The following BCL2L13 variants were observed in gnomAD, a reference collection of about 807,000 sequenced individuals.
BCL2L13 encodes bcl-2-like protein 13.
In BCL2L13, 13 loss-of-function variants were observed where a neutral mutation model predicts 25.8. That is an observed-to-expected ratio of 0.50 (90% CI 0.33 to 0.80). The LOEUF (loss-of-function observed/expected upper bound fraction) is 0.80. BCL2L13 is among the 30% of genes least tolerant of loss of function. BCL2L13 has a pLI of 0.02. For missense variants in BCL2L13, 504 were observed against 574.9 expected (o/e 0.88, Z 1.26); for synonymous variants, 244 against 230.3 (o/e 1.06, Z -0.54).
intron 6 of BCL2L13, among the ~76,000 whole-genome samples, chr22:17,713,598 A>G (rs1295879534): frequency 6.6e-6 from 1 of 151,198 alleles, no homozygotes. Context: ...AGTAGCTGGG[A>G]CTACAGGCAT....
intron 1 of BCL2L13, among the ~76,000 whole-genome samples, chr22:17,646,934 T>C (rs1478712782): frequency 1.9e-4 from 5 of 26,092 alleles, no homozygotes; most frequent in African/African-American, 6.9e-4. Context: ...ATAAACTACA[T>C]ATATATATAT....
At chr22:17,699,944 A>G (rs368289328) in intron 5 of BCL2L13, among the ~76,000 whole-genome samples, 68 of 152,258 alleles carry the variant, frequency 4.5e-4, no homozygotes, top group African/African-American at 1.9e-4. Context: ...CTTGGACGTC[A>G]TCATACAGGT....
chr22:17,676,064 A>G (rs528485189), intron 2 of BCL2L13, among the ~76,000 whole-genome samples: 1 of 152,352 alleles, frequency 6.6e-6, no homozygotes, highest in South Asian at 2.1e-4. Flanking sequence ...ATCTAATAAT[A>G]CAATTTTAGA....
chr22:17,706,575 T>G (rs2060597360), intron 6 of BCL2L13: 2 of 811,912 alleles, frequency 2.5e-6, no homozygotes, highest in Non-Finnish European at 3.1e-6. Context: ...AAATGCCAGG[T>G]TTTCACATGC....
intron 2 of BCL2L13, among the ~76,000 whole-genome samples, chr22:17,671,119 G>A (rs2059402679): frequency 6.6e-6 from 1 of 152,074 alleles, no homozygotes; most frequent in Non-Finnish European, 1.5e-5. Context: ...AATTGGCCGG[G>A]CACGGTGGTT....
At chr22:17,697,804 A>G (rs930288666) in intron 5 of BCL2L13, among the ~76,000 whole-genome samples, 4 of 152,104 alleles carry the variant, frequency 2.6e-5, no homozygotes, top group African/African-American at 4.8e-5. Context: ...TCTCTCTGAT[A>G]TAGACATTTG....
chr22:17,726,553 T>G (rs1332891676), intron 6 of BCL2L13, 124 bp from the exon 7 acceptor site: 1 of 1,124,756 alleles, frequency 8.9e-7, no homozygotes, highest in Non-Finnish European at 1.2e-6. Context: ...TCGGAAACTA[T>G]GTAGGTTTAA....
chr22:17,698,814 G>GC (rs2060348041), intron 5 of BCL2L13, among the ~76,000 whole-genome samples: 1 of 152,068 alleles, frequency 6.6e-6, no homozygotes, highest in African/African-American at 2.4e-5. Context: ...GCTCCTCCCA[G>GC]CCCCCGACAA....
chr22:17,664,291 C>T (rs552650325), intron 2 of BCL2L13, among the ~76,000 whole-genome samples: 89 of 152,298 alleles, frequency 5.8e-4, no homozygotes, highest in African/African-American at 2.1e-3. Flanking sequence ...AGCTGGCAGT[C>T]AAATCTTAAA....
At position 17,661,636 on chromosome 22, in the gene BCL2L13, GTAAA is replaced by G. The variant is rs1052129286; in HGVS notation, c.121+5811_121+5814del. 1.0e-4 allele frequency among the ~76,000 whole-genome samples: 15 copies of G among 145,728 alleles called. 2 individuals carry two copies. In the Middle Eastern group the frequency reaches 0.014, roughly 140 times the overall value. On this transcript the variant is annotated intron_variant, in intron 2 of 6. Coordinates refer to ENST00000317582, the MANE Select transcript of BCL2L13 (RefSeq NM_015367.4). Reference sequence around the variant, plus strand: ...ACAAGTAAAAATGTACTGTGTACACGTAAATAAATAGAAATCCATCTGTCCTTAG... The same window carrying G: ...ACAAGTAAAAATGTACTGTGTACACGTAAATAGAAATCCATCTGTCCTTAG...
At chr22:17,714,585 G>A (rs2060859363) in intron 6 of BCL2L13, among the ~76,000 whole-genome samples, 1 of 152,208 alleles carries the variant, frequency 6.6e-6, no homozygotes, top group Non-Finnish European at 1.5e-5. Flanking sequence ...GATCAGCTTA[G>A]GTAGCTTGGG....
intron 1 of BCL2L13, among the ~76,000 whole-genome samples, chr22:17,633,000 C>T (rs1601426237): frequency 6.6e-6 from 1 of 152,030 alleles, no homozygotes; most frequent in Non-Finnish European, 1.5e-5. Flanking sequence ...GTGATCCACC[C>T]GCCTCAGCCT....
chr22:17,655,201 T>C (rs557634898), intron 1 of BCL2L13, among the ~76,000 whole-genome samples: 2 of 152,092 alleles, frequency 1.3e-5, no homozygotes, highest in South Asian at 4.2e-4. Context: ...CACTGGACAG[T>C]CTTCAGAGGC....
chr22:17,671,114 G>T (rs868623718), intron 2 of BCL2L13, among the ~76,000 whole-genome samples: 11 of 149,260 alleles, frequency 7.4e-5, no homozygotes, highest in Non-Finnish European at 1.2e-4. Context: ...CAAAAAATTG[G>T]CCGGGCACGG....
At chr22:17,706,365 C>T (rs1284847265) in intron 6 of BCL2L13, among the ~76,000 whole-genome samples, 2 of 150,662 alleles carry the variant, frequency 1.3e-5, no homozygotes, top group Admixed American at 1.3e-4. Context: ...TTTTACCCGG[C>T]GAATGATGAA....
intron 1 of BCL2L13, among the ~76,000 whole-genome samples, chr22:17,631,670 G>GTATATA (rs1181793721): frequency 2.9e-3 from 79 of 26,792 alleles, no homozygotes; most frequent in South Asian, 6.0e-3. Context: ...GTGTGTGTGT[G>GTATATA]TATATATATA....
chr22:17,673,420 T>C (rs2059478649), intron 2 of BCL2L13, among the ~76,000 whole-genome samples: 2 of 149,618 alleles, frequency 1.3e-5, no homozygotes, highest in East Asian at 2.0e-4. Context: ...CAGGCTGGAG[T>C]GCAGTGGTGC....
At chr22:17,658,226 T>A (rs920192425) in intron 2 of BCL2L13, among the ~76,000 whole-genome samples, 1 of 152,158 alleles carries the variant, frequency 6.6e-6, no homozygotes, top group South Asian at 2.1e-4. Flanking sequence ...CTGTGTATAT[T>A]CTGTTTTTTA....
intron 6 of BCL2L13, 63 bp downstream of exon 6, chr22:17,702,449 A>G: frequency 1.4e-6 from 2 of 1,411,250 alleles, no homozygotes; most frequent in Non-Finnish European, 9.3e-7. Flanking sequence ...TGTTTTTCTT[A>G]AGAGATGGGT....
Sources: gnomAD v4.1 joint callset for allele counts (sites outside exome capture counted in the v4.1 genomes callset) on GRCh38, gnomAD v4.1.1 for gene constraint, MANE v1.5 for transcripts, NCBI Gene and HGNC (gene_info 2026-07-23, HGNC 2026-07-21) for gene names.